The following MAP3K11 variants were observed in gnomAD, a reference collection of about 807,000 sequenced individuals.
MAP3K11 encodes mitogen-activated protein kinase kinase kinase 11.
A neutral mutation model predicts 84.9 loss-of-function variants in MAP3K11; 46 were observed. The ratio of observed to expected loss-of-function variants is 0.54; its 90% CI spans 0.43 to 0.69. The LOEUF (loss-of-function observed/expected upper bound fraction) is 0.69, where lower values mean the gene tolerates loss of function less well. Ranked by LOEUF, MAP3K11 falls within the 30% of genes least tolerant of loss-of-function variation. The pLI, the probability that MAP3K11 is intolerant of heterozygous loss-of-function variation, is 0.00. For missense variants in MAP3K11, 1,053 were observed against 1,198.3 expected, an observed-to-expected ratio of 0.88 and a Z score of 1.79; for synonymous variants, 527 against 514.7, an observed-to-expected ratio of 1.02 and a Z score of -0.32.
At position 65,598,628 on chromosome 11, in the gene MAP3K11, C is replaced by T. The variant is rs1287608112; in HGVS notation, c.2207G>A (p.Gly736Glu). Reference sequence around the variant, plus strand: ...CCCCGGTGGGGGTGAGACAGTGCCTCCTGTGAGGATATAGGAGGGGCACAG... The same window carrying T: ...CCCCGGTGGGGGTGAGACAGTGCCTTCTGTGAGGATATAGGAGGGGCACAG... Reference protein sequence around the residue: ...KSPRREEEPRGGTVSPPPGTS... With the variant: ...KSPRREEEPREGTVSPPPGTS... The change falls in exon 10 of 10, where the codon GGA (glycine) becomes GAA (glutamate). Residue 736 changes from glycine (G) to glutamate (E), a missense_variant and splice_region_variant. Gly to Glu is a moderately conservative substitution (Grantham distance 98). Coordinates refer to ENST00000309100, the MANE Select transcript of MAP3K11 (RefSeq NM_002419.4). 1.3e-6 allele frequency: 2 copies of T among 1,502,256 alleles called. No individual in the cohort carries two copies. Among genetic ancestry groups the T allele is most frequent in the African/African-American group, 2.8e-5 (2 of 72,424 alleles). The allele number at this position is 1,502,256 out of a possible 1,614,324, so 93.1% of individuals were successfully genotyped here. A position where few individuals can be genotyped will look rare whatever the true frequency, so the allele number is the denominator to read the frequency against.
intron 8 of MAP3K11, 93 bp from the exon 9 acceptor site, chr11:65,599,861 G>T: frequency 7.3e-7 from 1 of 1,376,476 alleles, no homozygotes; most frequent in Non-Finnish European, 9.9e-7. Flanking sequence ...CAAGGACTGA[G>T]TTCTGCCCTC....
chr11:65,613,251 G>A lies in MAP3K11; in HGVS notation c.506C>T (p.Ala169Val). Residue 169 changes from alanine (A) to valine (V), a missense_variant, in exon 1 of 10, where the codon GCC (alanine) becomes GTC (valine). Physicochemically the swap from Ala to Val is moderately conservative, Grantham distance 64. Around this residue, in one of 3 missense-constraint regions of MAP3K11, gnomAD observed 310 missense variants for 464.5 expected, o/e 0.67. Coordinates refer to ENST00000309100, the MANE Select transcript of MAP3K11 (RefSeq NM_002419.4). ...AATGATGTTGGGGTGTGCCAGCATG[G>A]CGAAGAGCCGGGCCTCCTGGCGAAC... is the stretch of plus-strand genomic sequence containing the variant. ...ESVRQEARLF[A>V]MLAHPNIIAL... is the part of the protein sequence containing the mutation. The A allele has an allele frequency of 3.1e-6, 5 of 1,608,338 alleles. No homozygotes were observed. Among genetic ancestry groups the A allele is most frequent in the Non-Finnish European group, 3.4e-6 (4 of 1,176,540 alleles).
chr11:65,605,595 G>T, intron 8 of MAP3K11, 166 bp downstream of exon 8: 1 of 565,252 alleles, frequency 1.8e-6, no homozygotes, highest in Non-Finnish European at 3.0e-6. Flanking sequence ...GGTCAGACCT[G>T]GGTTCCAGGA....
chr11:65,609,840 A>G (rs1189245326), intron 1 of MAP3K11: 2 of 152,282 alleles, frequency 1.3e-5, no homozygotes, highest in African/African-American at 2.4e-5. Context: ...TGGCAGAACC[A>G]GGGTGCTCAT....
In MAP3K11 at chr11:65,607,680, C is replaced by T; in HGVS notation, c.1206G>A (p.Glu402=). The T allele has an allele frequency of 6.2e-7, 1 of 1,613,206 alleles. No individual in the cohort carries two copies. Residue 402 remains glutamate, a synonymous_variant, in exon 4 of 10, where the codon GAG becomes GAA. Transcript: ENST00000309100. ...FHSMQEGWKR[E]IQGLFDELRA... ...GCAGCTCGTCGAAGAGACCCTGGATCTCGCGCTTCCAGCCTTCCTGCATGG... is the reference window on the plus strand; with the variant it reads ...GCAGCTCGTCGAAGAGACCCTGGATTTCGCGCTTCCAGCCTTCCTGCATGG...
In MAP3K11 at chr11:65,598,472, G is replaced by A. The variant is rs774438025; in HGVS notation, c.2363C>T (p.Pro788Leu). Residue 788 changes from proline (P) to leucine (L), a missense_variant, in exon 10 of 10, where the codon CCT (proline) becomes CTT (leucine). Physicochemically the swap from Pro to Leu is moderately conservative, Grantham distance 98 (BLOSUM62 -3). This residue lies in a region of MAP3K11 where 583 missense variants were observed against 566.6 expected (regional missense o/e 1.03). Coordinates refer to ENST00000309100, the MANE Select transcript of MAP3K11 (RefSeq NM_002419.4). ...AGGCTGTGGTGATGGCAGGGGAGAA[G>A]GCCGTGGCCCAGCTGACACAAAGCT... ...PWSFVSAGPR[P>L]SPLPSPQPAP... is the part of the protein sequence containing the mutation. 17 of 1,613,438 alleles carry A rather than the reference G, an allele frequency of 1.1e-5. No individual in the cohort carries two copies. The highest frequency in any genetic ancestry group is 1.2e-5 in the Non-Finnish European group (14 of 1,179,696).
chr11:65,600,638 GAACC>G (rs1854445778), intron 8 of MAP3K11, among the ~76,000 whole-genome samples: 1 of 152,202 alleles, frequency 6.6e-6, no homozygotes, highest in Admixed American at 6.5e-5. Flanking sequence ...CAGGGATGGG[GAACC>G]CCTCATTAAG....
chr11:65,613,428 T>C lies in MAP3K11; in HGVS notation c.329A>G (p.Glu110Gly), dbSNP rs750477481. 1 of 1,612,248 alleles carries C rather than the reference T, an allele frequency of 6.2e-7. No homozygotes were observed. Among genetic ancestry groups the C allele is most frequent in the Non-Finnish European group, 8.5e-7 (1 of 1,179,516 alleles). ...VSRGGGPPPC[E>G]VASFQELRLE... is the part of the protein sequence containing the mutation. ...CCGCAGCTCCTGGAAGCTGGCCACC[T>C]CGCAGGGGGGCGGGCCGCCACCCCG... The change falls in exon 1 of 10, where the codon GAG becomes GGG. Residue 110 changes from glutamate to glycine, a missense_variant. Around this residue, in one of 3 missense-constraint regions of MAP3K11, gnomAD observed 160 missense variants for 167.3 expected, o/e 0.96. Transcript: ENST00000309100.
At position 65,607,903 on chromosome 11, in the gene MAP3K11, G is replaced by T; in HGVS notation, c.1069+19C>A. 1 of 1,611,848 alleles carries T rather than the reference G, an allele frequency of 6.2e-7. No individual in the cohort carries two copies. Among genetic ancestry groups the T allele is most frequent in the East Asian group, 2.2e-5 (1 of 44,750 alleles). ...GGCCAGGGAGCTCTGTACCTCACCT[G>T]CCCTCCCCGTCCTCTTACCGGCCAT... On this transcript the variant is annotated intron_variant, in intron 3 of 9. Coordinates refer to ENST00000309100, the MANE Select transcript of MAP3K11 (RefSeq NM_002419.4).
Position 65,613,062 on chromosome 11 carries a change from T to C in MAP3K11, c.695A>G (p.Glu232Gly). Reference protein sequence around the residue: ...IARGMHYLHCEALVPVIHRDL... With the variant: ...IARGMHYLHCGALVPVIHRDL... ...ACGGTGGATGACGGGCACCAGGGCCTCGCAGTGCAGGTAGTGCATCCCACG... is the reference window on the plus strand; with the variant it reads ...ACGGTGGATGACGGGCACCAGGGCCCCGCAGTGCAGGTAGTGCATCCCACG... Residue 232 changes from glutamate (E) to glycine (G), a missense_variant, in exon 1 of 10, where the codon GAG becomes GGG. By Grantham distance (98) the Glu-to-Gly change is moderately conservative (BLOSUM62 -2). Around this residue, in one of 3 missense-constraint regions of MAP3K11, gnomAD observed 310 missense variants for 464.5 expected, o/e 0.67. Coordinates refer to ENST00000309100, the MANE Select transcript of MAP3K11 (RefSeq NM_002419.4). The C allele has an allele frequency of 6.6e-7, 1 of 1,524,706 alleles. No individual in the cohort carries two copies. The highest frequency in any genetic ancestry group is 2.3e-5 in the East Asian group (1 of 43,910). The allele number at this position is 1,524,706 out of a possible 1,614,324, so 94.4% of individuals were successfully genotyped here. A position where few individuals can be genotyped will look rare whatever the true frequency, so the allele number is the denominator to read the frequency against.
rs769979690 is a variant in MAP3K11, at chr11:65,613,322, T to G, written c.435A>C (p.Ala145=). ...TGTCCTCATCGGGGTCCTGGCGAGC[T>G]GCCTTCACAGCCACCAGCTCACCTC... ...SWRGELVAVK[A]ARQDPDEDIS... The change falls in exon 1 of 10, where the codon GCA becomes GCC. Residue 145 remains alanine (A), a synonymous_variant. Transcript: ENST00000309100. The G allele has an allele frequency of 6.2e-7, 1 of 1,613,136 alleles. No homozygotes were observed. The highest frequency in any genetic ancestry group is 8.5e-7 in the Non-Finnish European group (1 of 1,179,956).
chr11:65,605,742 G>C lies in MAP3K11; in HGVS notation c.1831+19C>G, dbSNP rs550256302. ...GAAGGAGCTCAGCCAGATCCTGCCG[G>C]GGGAGGAAGGCCACTCACCATTGAG... On this transcript the variant is annotated intron_variant, in intron 8 of 9. Transcript: ENST00000309100. 54 of 1,579,194 alleles carry C rather than the reference G, an allele frequency of 3.4e-5. No homozygotes were observed. The Admixed American group carries it at 6.7e-4, about 20-fold the overall frequency.
chr11:65,606,830 G>C (rs779376387), intron 5 of MAP3K11, 26 bp from the exon 6 acceptor site: 1 of 1,505,592 alleles, frequency 6.6e-7, no homozygotes. Flanking sequence ...GGGGGAGCAG[G>C]GTTCAGGTTT....
At chr11:65,599,294 G>A in intron 9 of MAP3K11, 100 bp downstream of exon 9, 8 of 1,370,480 alleles carry the variant, frequency 5.8e-6, no homozygotes, top group South Asian at 1.5e-5. Context: ...GATGACTGTG[G>A]TCTCGGCCTT....
chr11:65,607,892 GT>G (rs1854531004), intron 3 of MAP3K11, 29 bp downstream of exon 3: 7 of 1,610,464 alleles, frequency 4.3e-6, no homozygotes, highest in Non-Finnish European at 5.9e-6. Context: ...AGGGAGCTCT[GT>G]ACCTCACCTG....
chr11:65,603,022 G>C (rs965468155), intron 8 of MAP3K11, among the ~76,000 whole-genome samples: 5 of 152,200 alleles, frequency 3.3e-5, no homozygotes, highest in African/African-American at 1.2e-4. Flanking sequence ...AGGATCACTT[G>C]AGCCTGGGAG....
intron 8 of MAP3K11, among the ~76,000 whole-genome samples, chr11:65,603,422 G>C (rs1445142049): frequency 2.0e-5 from 3 of 152,254 alleles, no homozygotes; most frequent in African/African-American, 7.2e-5. Flanking sequence ...AAGGCAACAA[G>C]CTTCACAGGG....
chr11:65,603,233 T>G (rs1854473564), intron 8 of MAP3K11, among the ~76,000 whole-genome samples: 1 of 152,232 alleles, frequency 6.6e-6, no homozygotes, highest in African/African-American at 2.4e-5. Flanking sequence ...AGGGACTTGG[T>G]CAACATAATC....
Position 65,599,510 on chromosome 11 carries a change from C to A in MAP3K11, c.2090G>T (p.Cys697Phe). The change falls in exon 9 of 10, where the codon TGC becomes TTC. Residue 697 changes from cysteine (C) to phenylalanine (F), a missense_variant. Cys to Phe is a radical substitution (Grantham distance 205). Coordinates refer to ENST00000309100, the MANE Select transcript of MAP3K11 (RefSeq NM_002419.4). ...GGAGTCGGGCGTCTTGAGCGAGAAG[C>A]AGATGAGCGGGGAAGGGGGCGGCTC... ...PTEPPPSPLICFSLKTPDSPP... is the reference protein window; with the variant it reads ...PTEPPPSPLIFFSLKTPDSPP... The A allele has an allele frequency of 6.7e-7, 1 of 1,495,140 alleles. No homozygotes were observed. Among genetic ancestry groups the A allele is most frequent in the Non-Finnish European group, 8.9e-7 (1 of 1,128,340 alleles). 92.6% of individuals were successfully genotyped at this position (1,495,140 alleles called of 1,614,324 possible).
Sources: allele counts gnomAD v4.1 joint callset (sites outside exome capture counted in the v4.1 genomes callset), GRCh38; gene constraint gnomAD v4.1.1; regional missense constraint gnomAD v4.1.1; transcripts MANE v1.5; gene names NCBI Gene and HGNC (gene_info 2026-07-23, HGNC 2026-07-21).